Variants in SOX30 observed in about 807,000 individuals in gnomAD.
SOX30 encodes the protein SRY-box transcription factor 30.
SOX30 carries 17 observed loss-of-function variants against 58.6 expected under a neutral mutation model. The ratio of observed to expected loss-of-function variants is 0.29; its 90% CI spans 0.20 to 0.44. The LOEUF is 0.44. SOX30 is among the 20% of genes least tolerant of loss of function. The pLI is 1.00. For synonymous variants in SOX30, 421 were observed against 400.2 expected, an observed-to-expected ratio of 1.05 and a Z score of -0.62; for missense variants, 951 against 965.8, an observed-to-expected ratio of 0.98 and a Z score of 0.20.
intron 4 of SOX30, among the ~76,000 whole-genome samples, chr5:157,633,255 C>A (rs572710578): frequency 6.6e-6 from 1 of 152,226 alleles, no homozygotes; most frequent in South Asian, 2.1e-4. Context: ...GACAGGATCA[C>A]AATTTGTTGC....
chr5:157,653,241 GA>G (rs1759406182), upstream of SOX30, among the ~76,000 whole-genome samples: 2 of 152,142 alleles, frequency 1.3e-5, no homozygotes, highest in Admixed American at 6.5e-5. Flanking sequence ...AGCTTTTACT[GA>G]CTCTGAAAAT....
chr5:157,626,520 A>G lies in SOX30; in HGVS notation c.2082T>C (p.Thr694=), dbSNP rs1286636033. 1.2e-6 allele frequency: 2 copies of G among 1,614,198 alleles called. No individual in the cohort carries two copies. The highest frequency in any genetic ancestry group is 4.5e-5 in the East Asian group (2 of 44,884). Residue 694 remains threonine (T), a synonymous_variant, in exon 5 of 5, where the codon ACT becomes ACC. Coordinates refer to ENST00000265007, the MANE Select transcript of SOX30 (RefSeq NM_178424.2). Reference sequence around the variant, plus strand: ...TGTGGCTATGACTGTTATAGTAAGAAGTTCCATTCATGTTCTCACAACTCC... The same window carrying G: ...TGTGGCTATGACTGTTATAGTAAGAGGTTCCATTCATGTTCTCACAACTCC... The part of the protein sequence containing the change: ...NSRSCENMNG[T]SYYNSHSHSG...
Position 157,651,221 on chromosome 5 carries a change from C to G in SOX30, c.858G>C (p.Leu286Phe). 1 of 1,613,830 alleles carries G rather than the reference C, an allele frequency of 6.2e-7. No individual in the cohort carries two copies. Among genetic ancestry groups the G allele is most frequent in the South Asian group, 1.1e-5 (1 of 91,058 alleles). The change falls in exon 1 of 5, where the codon TTG becomes TTC. Residue 286 changes from leucine (L) to phenylalanine (F), a missense_variant. Leu to Phe is a conservative substitution (Grantham distance 22, BLOSUM62 0). Coordinates refer to ENST00000265007, the MANE Select transcript of SOX30 (RefSeq NM_178424.2). ...GCACTGGTGTCAGGGGGACCTTGGT[C>G]AATCTTATCAGCTCTGAAGGCGGAG... ...QGAPPSELIR[L>F]TKVPLTPVPT...
intron 1 of SOX30, among the ~76,000 whole-genome samples, chr5:157,650,150 ATAT>A (rs1241933323): frequency 6.7e-6 from 1 of 150,054 alleles, no homozygotes; most frequent in Non-Finnish European, 1.5e-5. Flanking sequence ...TAAATTTATT[ATAT>A]TATTTTAGGA....
upstream of SOX30, among the ~76,000 whole-genome samples, chr5:157,656,857 C>G (rs1347610349): frequency 1.3e-5 from 2 of 152,136 alleles, no homozygotes; most frequent in African/African-American, 4.8e-5. Context: ...GTAGGACATT[C>G]TGTGTGTGAA....
intron 3 of SOX30, among the ~76,000 whole-genome samples, chr5:157,640,737 T>C (rs1374955553): frequency 2.0e-5 from 3 of 152,134 alleles, no homozygotes; most frequent in South Asian, 2.1e-4. Flanking sequence ...GATTGTAATA[T>C]TAAAATCTCT....
At chr5:157,646,410 G>C (rs990368049) in intron 3 of SOX30, among the ~76,000 whole-genome samples, 1 of 152,126 alleles carries the variant, frequency 6.6e-6, no homozygotes, top group African/African-American at 2.4e-5. Context: ...TTGCTTAAAA[G>C]GTCTGAGGTT....
chr5:157,660,308 G>C (rs1759554814), intron 2 of SOX30, among the ~76,000 whole-genome samples: 1 of 152,144 alleles, frequency 6.6e-6, no homozygotes, highest in Admixed American at 6.6e-5. Context: ...TGTAGTCCTA[G>C]CTACTCGGGA....
chr5:157,648,930 T>A lies in SOX30; in HGVS notation c.968-34A>T, dbSNP rs200693674. 1.3e-3 allele frequency: 1,923 copies of A among 1,522,834 alleles called. 10 individuals are homozygous for A. The highest frequency in any genetic ancestry group is 9.9e-4 in the Non-Finnish European group (1,136 of 1,143,596). 94.3% of individuals were successfully genotyped at this position (1,522,834 alleles called of 1,614,324 possible). On this transcript the variant is annotated intron_variant, in intron 1 of 4. Coordinates refer to ENST00000265007, the MANE Select transcript of SOX30 (RefSeq NM_178424.2). The stretch of plus-strand genomic sequence containing the variant: ...CAAAAATTAAAAGGCTAAATTAATG[T>A]GCCATACACACACACACACACAATT...
intron 4 of SOX30, among the ~76,000 whole-genome samples, chr5:157,630,830 T>C (rs1758770644): frequency 7.2e-6 from 1 of 139,146 alleles, no homozygotes; most frequent in South Asian, 2.1e-4. Context: ...ATTTCCCATT[T>C]ATATATATAC....
Position 157,638,241 on chromosome 5 carries a change from G to A in SOX30, c.1869C>T (p.Tyr623=), listed in dbSNP as rs1268175777. 6.6e-7 allele frequency: 1 copy of A among 1,520,936 alleles called. No homozygotes were observed. Among genetic ancestry groups the A allele is most frequent in the East Asian group, 2.3e-5 (1 of 43,860 alleles). 94.2% of individuals were successfully genotyped at this position (1,520,936 alleles called of 1,614,324 possible). ...HHPYFLPGPH[Y]FPSSTCPYSR... is the part of the protein sequence containing the mutation. ...AAATGTTAATTTACCTTGATGGGAAGTAGTGAGGTCCGGGTAGGAAGTAAG... is the reference window on the plus strand; with the variant it reads ...AAATGTTAATTTACCTTGATGGGAAATAGTGAGGTCCGGGTAGGAAGTAAG... Residue 623 remains tyrosine, a synonymous_variant, in exon 4 of 5, where the codon TAC becomes TAT. Coordinates refer to ENST00000265007, the MANE Select transcript of SOX30 (RefSeq NM_178424.2).
intron 1 of SOX30, among the ~76,000 whole-genome samples, chr5:157,649,673 C>T (rs1036348881): frequency 3.3e-5 from 5 of 151,998 alleles, no homozygotes; most frequent in African/African-American, 1.2e-4. Context: ...GCCTGTAGTC[C>T]CAGCTACCTA....
Position 157,651,246 on chromosome 5 carries a change from G to C in SOX30, c.833C>G (p.Ala278Gly), listed in dbSNP as rs779522580. ...CAATCTTATCAGCTCTGAAGGCGGA[G>C]CTCCCTGAAACTGGATCCGGGCCCC... is the stretch of plus-strand genomic sequence containing the variant. ...PPGARIQFQG[A>G]PPSELIRLTK... The change falls in exon 1 of 5, where the codon GCT (alanine) becomes GGT (glycine). Residue 278 changes from alanine to glycine, a missense_variant. Around this residue, in one of 7 missense-constraint regions of SOX30, gnomAD observed 60 missense variants for 74.0 expected, o/e 0.81. Coordinates refer to ENST00000265007, the MANE Select transcript of SOX30 (RefSeq NM_178424.2). 9 of 1,614,014 alleles carry C rather than the reference G, an allele frequency of 5.6e-6. No individual in the cohort carries two copies. Among genetic ancestry groups the C allele is most frequent in the Admixed American group, 5.0e-5 (3 of 60,004 alleles).
chr5:157,660,009 C>G (rs968532296), intron 2 of SOX30, among the ~76,000 whole-genome samples: 1 of 152,180 alleles, frequency 6.6e-6, no homozygotes, highest in Non-Finnish European at 1.5e-5. Flanking sequence ...GTCTGAAAGT[C>G]GCTGTTTCTA....
At chr5:157,645,785 C>T (rs62387670) in intron 3 of SOX30, among the ~76,000 whole-genome samples, 25,312 of 151,938 alleles carry the variant, frequency 0.17, 2,440 homozygotes, top group African/African-American at 0.27. Flanking sequence ...GTTTGGGAGG[C>T]CGGGGCGGGC....
At chr5:157,652,826 G>A (rs1250804694), upstream of SOX30, among the ~76,000 whole-genome samples, 1 of 152,130 alleles carries the variant, frequency 6.6e-6, no homozygotes, top group East Asian at 1.9e-4. Context: ...CCGTAACCCT[G>A]TAAATAGTCT....
intron 4 of SOX30, among the ~76,000 whole-genome samples, chr5:157,631,122 C>T (rs1313235017): frequency 2.1e-5 from 3 of 144,486 alleles, no homozygotes; most frequent in Admixed American, 7.2e-5. Flanking sequence ...GTTTTGCTGT[C>T]ACCCAGGCCA....
chr5:157,627,343 CAG>C (rs1561577113), intron 4 of SOX30, among the ~76,000 whole-genome samples: 1 of 151,932 alleles, frequency 6.6e-6, no homozygotes, highest in African/African-American at 2.4e-5. Context: ...AGCCTGGTGA[CAG>C]AGTGAGACTC....
At chr5:157,631,431 T>C (rs1448997712) in intron 4 of SOX30, among the ~76,000 whole-genome samples, 1 of 152,188 alleles carries the variant, frequency 6.6e-6, no homozygotes, top group Non-Finnish European at 1.5e-5. Context: ...GCAGTTAAAT[T>C]ACTTAAAAAC....
Sources: gnomAD v4.1 joint callset for allele counts (sites outside exome capture counted in the v4.1 genomes callset) on GRCh38, gnomAD v4.1.1 for gene constraint, gnomAD v4.1.1 regional missense constraint, MANE v1.5 for transcripts, NCBI Gene and HGNC (gene_info 2026-07-23, HGNC 2026-07-21) for gene names.